Variants in WFDC2 observed in about 807,000 individuals in gnomAD.
WFDC2 encodes WAP four-disulfide core domain protein 2.
A neutral mutation model predicts 12.5 loss-of-function variants in WFDC2; 8 were observed. The observed-to-expected ratio is 0.64, with a 90% CI of 0.37 to 1.15. The LOEUF is 1.15. Among genes scored for constraint, WFDC2 ranks in the 50% most tolerant of loss-of-function variants. The pLI is 0.01. For missense variants in WFDC2, 166 were observed against 159.9 expected (o/e 1.04, Z -0.21); for synonymous variants, 74 against 67.2 (o/e 1.10, Z -0.49).
intron 2 of WFDC2, among the ~76,000 whole-genome samples, chr20:45,475,643 G>A (rs1479205307): frequency 6.6e-6 from 1 of 152,180 alleles, no homozygotes; most frequent in Non-Finnish European, 1.5e-5. Context: ...TGAGGAGAAT[G>A]TATATTCTGT....
intron 3 of WFDC2, 105 bp from the exon 4 acceptor site, chr20:45,481,266 A>T (rs1300539406): frequency 1.3e-5 from 2 of 152,226 alleles, no homozygotes; most frequent in African/African-American, 2.4e-5. Flanking sequence ...GGTGTGTGGG[A>T]TGGGGTGGGG....
At chr20:45,478,815 C>CGG (rs113450991) in intron 2 of WFDC2, among the ~76,000 whole-genome samples, 2 of 151,572 alleles carry the variant, frequency 1.3e-5, no homozygotes, top group South Asian at 2.1e-4. Flanking sequence ...TTTAGTAGAG[C>CGG]GGGGGGTCTC....
At position 45,470,588 on chromosome 20, in the gene WFDC2, G is replaced by A; in HGVS notation, c.223+56G>A. The stretch of plus-strand genomic sequence containing the variant: ...GCGGGGCCGCGCTGGGCTGGGAGGA[G>A]GTGGGAGGGCCCGGGTTCCGGGAAC... On this transcript the variant is annotated intron_variant, in intron 2 of 3. Coordinates refer to ENST00000372676, the MANE Select transcript of WFDC2 (RefSeq NM_006103.4). The surrounding 1 kb of genome is among the most constrained non-coding windows in gnomAD (Gnocchi z 5.4). 3 of 1,504,536 alleles carry A rather than the reference G, an allele frequency of 2.0e-6. No homozygotes were observed. Among genetic ancestry groups the A allele is most frequent in the Non-Finnish European group, 2.7e-6 (3 of 1,123,268 alleles). 93.2% of individuals were successfully genotyped at this position (1,504,536 alleles called of 1,614,324 possible).
intron 2 of WFDC2, among the ~76,000 whole-genome samples, chr20:45,477,101 T>G (rs1991242238): frequency 6.6e-6 from 1 of 152,056 alleles, no homozygotes; most frequent in Non-Finnish European, 1.5e-5. Context: ...GTTCTTACCT[T>G]TCTTGCATTG....
At position 45,470,002 on chromosome 20, in the gene WFDC2, G is replaced by A. The variant is rs372455606; in HGVS notation, c.79+142G>A. 9.5e-7 allele frequency: 1 copy of A among 1,057,974 alleles called. No individual in the cohort carries two copies. Among genetic ancestry groups the A allele is most frequent in the Non-Finnish European group, 1.3e-6 (1 of 741,974 alleles). 65.5% of individuals were successfully genotyped at this position (1,057,974 alleles called of 1,614,324 possible). A position where few individuals can be genotyped will look rare whatever the true frequency, so the allele number is the denominator to read the frequency against. ...AGTGGCGGGGACCCTTGGAGCCTAG[G>A]GTGTGGGGTCCAATGTGCTGGAGGT... On this transcript the variant is annotated intron_variant, in intron 1 of 3. Transcript: ENST00000372676. The surrounding 1 kb of genome is among the most constrained non-coding windows in gnomAD (Gnocchi z 5.4).
intron 2 of WFDC2, 87 bp from the exon 3 acceptor site, chr20:45,479,855 G>A: frequency 6.2e-7 from 1 of 1,614,012 alleles, no homozygotes; most frequent in South Asian, 1.1e-5. Context: ...AGCCCAGTGA[G>A]GGGCAGTGGG....
At chr20:45,475,376 T>A (rs1991220671) in intron 2 of WFDC2, among the ~76,000 whole-genome samples, 1 of 152,264 alleles carries the variant, frequency 6.6e-6, no homozygotes, top group South Asian at 2.1e-4. Flanking sequence ...TGGTATGTTA[T>A]GTCTTTGTTC....
chr20:45,475,416 T>A (rs1026118242), intron 2 of WFDC2, among the ~76,000 whole-genome samples: 1 of 152,252 alleles, frequency 6.6e-6, no homozygotes, highest in East Asian at 1.9e-4. Context: ...TATTTATTTC[T>A]GCCTTGATTT....
Position 45,479,299 on chromosome 20 carries a change from G to A in WFDC2, c.224-643G>A, listed in dbSNP as rs546753531. The A allele has an allele frequency of 2.8e-5, 9 of 317,080 alleles. No individual in the cohort carries two copies. In the South Asian group the frequency reaches 3.2e-4, roughly 11 times the overall value. 19.6% of individuals were successfully genotyped at this position (317,080 alleles called of 1,614,324 possible). A position where few individuals can be genotyped will look rare whatever the true frequency, so the allele number is the denominator to read the frequency against. Reference sequence around the variant, plus strand: ...AAGTGGCAGCATAGTGCTTAACCATGGCAGCAGCAGTTAACACATAGACTC... The same window carrying A: ...AAGTGGCAGCATAGTGCTTAACCATAGCAGCAGCAGTTAACACATAGACTC... On this transcript the variant is annotated intron_variant, in intron 2 of 3. Coordinates refer to ENST00000372676, the MANE Select transcript of WFDC2 (RefSeq NM_006103.4).
At chr20:45,479,509 T>G in intron 2 of WFDC2, 1 of 658,358 alleles carries the variant, frequency 1.5e-6, no homozygotes, top group Non-Finnish European at 2.7e-6. Context: ...GCTTGATACC[T>G]GGCATGTAAT....
intron 2 of WFDC2, among the ~76,000 whole-genome samples, chr20:45,473,092 G>T (rs1369211436): frequency 1.3e-5 from 2 of 152,166 alleles, no homozygotes; most frequent in Non-Finnish European, 2.9e-5. Flanking sequence ...CCCTTTGTCA[G>T]ATGGATAGAG....
chr20:45,472,215 C>T (rs1267715249), intron 2 of WFDC2, among the ~76,000 whole-genome samples: 1 of 152,102 alleles, frequency 6.6e-6, no homozygotes, highest in Non-Finnish European at 1.5e-5. Flanking sequence ...GTTTGCTTCA[C>T]CCATCAACCC....
chr20:45,472,936 T>C (rs528526997), intron 2 of WFDC2, among the ~76,000 whole-genome samples: 2 of 152,386 alleles, frequency 1.3e-5, no homozygotes, highest in Non-Finnish European at 2.9e-5. Context: ...ATTTCTCTAA[T>C]GACCAGTGAT....
At chr20:45,472,480 G>A (rs575547708) in intron 2 of WFDC2, among the ~76,000 whole-genome samples, 2 of 152,328 alleles carry the variant, frequency 1.3e-5, no homozygotes, top group Admixed American at 6.5e-5. Flanking sequence ...AGTATTCCAT[G>A]GTGTAGACGT....
intron 2 of WFDC2, among the ~76,000 whole-genome samples, chr20:45,475,962 T>C (rs1449507940): frequency 1.3e-5 from 2 of 152,198 alleles, no homozygotes; most frequent in Non-Finnish European, 2.9e-5. Context: ...TCTTTGTTGG[T>C]TTAAAGTCTG....
At chr20:45,477,645 C>G (rs754034029) in intron 2 of WFDC2, among the ~76,000 whole-genome samples, 2 of 152,228 alleles carry the variant, frequency 1.3e-5, no homozygotes, top group African/African-American at 2.4e-5. Flanking sequence ...TCAGGAGACA[C>G]GGAAATCAGG....
intron 2 of WFDC2, among the ~76,000 whole-genome samples, chr20:45,478,232 T>C (rs533328063): frequency 1.3e-5 from 2 of 152,252 alleles, no homozygotes; most frequent in East Asian, 3.9e-4. Flanking sequence ...TGCAGCTAGC[T>C]CAGTGTCTGC....
At chr20:45,473,295 T>C (rs1235733951) in intron 2 of WFDC2, among the ~76,000 whole-genome samples, 1 of 152,248 alleles carries the variant, frequency 6.6e-6, no homozygotes, top group Admixed American at 6.5e-5. Context: ...GGTTTTCTTC[T>C]AGGGTTTTTA....
At chr20:45,481,312 T>C (rs1991298613) in intron 3 of WFDC2, 59 bp from the exon 4 acceptor site, 1 of 152,202 alleles carries the variant, frequency 6.6e-6, no homozygotes, top group Admixed American at 6.5e-5. Flanking sequence ...CTGCAGGTAC[T>C]CCTGCCTAGT....
Sources: gnomAD v4.1 joint callset for allele counts (sites outside exome capture counted in the v4.1 genomes callset) on GRCh38, gnomAD v4.1.1 for gene constraint, Gnocchi (gnomAD v3.1) non-coding constraint, MANE v1.5 for transcripts, NCBI Gene and HGNC (gene_info 2026-07-23, HGNC 2026-07-21) for gene names.